The following TMEM39A variants were observed in gnomAD, a reference collection of about 807,000 sequenced individuals.
TMEM39A encodes the protein transmembrane protein 39A.
TMEM39A carries 19 observed loss-of-function variants against 51.9 expected under a neutral mutation model. The ratio of observed to expected loss-of-function variants is 0.37; its 90% CI spans 0.26 to 0.54. The LOEUF is 0.54. TMEM39A is among the 20% of genes least tolerant of loss of function. The pLI is 0.88. For synonymous variants in TMEM39A, 197 were observed against 220.2 expected (o/e 0.89, Z 0.93); for missense variants, 433 against 590.5 (o/e 0.73, Z 2.76).
Position 119,450,826 on chromosome 3 carries a change from CA to C in TMEM39A, c.420+1620del, listed in dbSNP as rs60326718. On this transcript the variant is annotated intron_variant, in intron 4 of 8. Coordinates refer to ENST00000319172, the MANE Select transcript of TMEM39A (RefSeq NM_018266.3). ...TAGGCGACAGAGCCAGACTCCATCTCAAAAAAAAAAAAAAAAAAAAAAAAAG... is the reference window on the plus strand; with the variant it reads ...TAGGCGACAGAGCCAGACTCCATCTCAAAAAAAAAAAAAAAAAAAAAAAAG... Among the ~76,000 whole-genome samples the C allele has an allele frequency of 4.5e-4, 25 of 55,896 alleles. No homozygotes were observed. The South Asian group carries it at 8.5e-3, about 19-fold the overall frequency. The allele number at this position is 55,896 out of a possible 152,430, so 36.7% of individuals were successfully genotyped here.
intron 7 of TMEM39A, chr3:119,435,892 G>A: frequency 7.8e-7 from 1 of 1,289,590 alleles, no homozygotes; most frequent in South Asian, 1.2e-5. Context: ...TTTTCAGCCT[G>A]GCCCAATCTC....
chr3:119,434,612 G>T, intron 8 of TMEM39A, 150 bp downstream of exon 8: 3 of 1,183,386 alleles, frequency 2.5e-6, no homozygotes, highest in Non-Finnish European at 3.5e-6. Flanking sequence ...CATTTCCAAA[G>T]TACAGGGACC....
intron 2 of TMEM39A, 35 bp from the exon 3 acceptor site, chr3:119,458,275 A>AGT: frequency 1.3e-6 from 2 of 1,570,944 alleles, no homozygotes; most frequent in Non-Finnish European, 1.8e-6. Flanking sequence ...TCAAATGGTG[A>AGT]TAACCTCCAG....
At chr3:119,463,236 A>C (rs2081363389) in intron 1 of TMEM39A, 100 bp downstream of exon 1, 1 of 210,952 alleles carries the variant, frequency 4.7e-6, no homozygotes, top group Non-Finnish European at 9.3e-6. Context: ...CCCTAAGAGA[A>C]GTCGGCAGAA....
chr3:119,440,427 TA>T (rs1460428888), intron 5 of TMEM39A, among the ~76,000 whole-genome samples: 1 of 152,058 alleles, frequency 6.6e-6, no homozygotes, highest in East Asian at 1.9e-4. Flanking sequence ...CTAGCTACAA[TA>T]AAAATGAAAT....
Position 119,452,441 on chromosome 3 carries a change from T to A in TMEM39A, c.420+6A>T. Reference sequence around the variant, plus strand: ...ATGTGATAGAATATAGTCAATGAACTGTTACCTCTGAGATGAGAGCCCATA... The same window carrying A: ...ATGTGATAGAATATAGTCAATGAACAGTTACCTCTGAGATGAGAGCCCATA... On this transcript the variant is annotated splice_donor_region_variant and intron_variant, in intron 4 of 8. Coordinates refer to ENST00000319172, the MANE Select transcript of TMEM39A (RefSeq NM_018266.3). The A allele has an allele frequency of 1.9e-6, 3 of 1,611,362 alleles. No individual in the cohort carries two copies. Among genetic ancestry groups the A allele is most frequent in the Non-Finnish European group, 2.5e-6 (3 of 1,177,762 alleles).
chr3:119,455,057 T>A (rs572397760), intron 3 of TMEM39A, among the ~76,000 whole-genome samples: 2 of 152,200 alleles, frequency 1.3e-5, no homozygotes, highest in Non-Finnish European at 2.9e-5. Context: ...CTTTTTGATA[T>A]TAAGGTCTTG....
chr3:119,447,564 G>C (rs1217654664), intron 4 of TMEM39A, among the ~76,000 whole-genome samples: 1 of 152,064 alleles, frequency 6.6e-6, no homozygotes, highest in African/African-American at 2.4e-5. Context: ...ATAAAATCTT[G>C]AGTCAAGCAA....
chr3:119,449,534 G>A (rs1434359777), intron 4 of TMEM39A, among the ~76,000 whole-genome samples: 3 of 151,908 alleles, frequency 2.0e-5, no homozygotes, highest in Non-Finnish European at 2.9e-5. Context: ...GCCGAGGCAG[G>A]AGAATCGCTT....
At chr3:119,450,376 T>A (rs1211466328) in intron 4 of TMEM39A, among the ~76,000 whole-genome samples, 1 of 152,240 alleles carries the variant, frequency 6.6e-6, no homozygotes, top group Non-Finnish European at 1.5e-5. Context: ...CATAAACACA[T>A]TTTCATGTTG....
At position 119,439,579 on chromosome 3, in the gene TMEM39A, CAA is replaced by C. The variant is rs201923985; in HGVS notation, c.576-1478_576-1477del. Among the ~76,000 whole-genome samples, 992 of 100,256 alleles carry C rather than the reference CAA, an allele frequency of 9.9e-3. 11 individuals carry two copies. Among genetic ancestry groups the C allele is most frequent in the South Asian group, 0.087 (285 of 3,276 alleles). The allele number at this position is 100,256 out of a possible 152,430, so 65.8% of individuals were successfully genotyped here. On this transcript the variant is annotated intron_variant, in intron 5 of 8. Coordinates refer to ENST00000319172, the MANE Select transcript of TMEM39A (RefSeq NM_018266.3). ...GGGCAACAAGAGTGAAACTCCTTCT[CAA>C]AAAAAAAAAAAAAAAAGATATTTAG...
rs151225312 is a variant in TMEM39A, at chr3:119,439,306, G to C, written c.576-1203C>G. Among the ~76,000 whole-genome samples the C allele has an allele frequency of 8.0e-3, 1,217 of 152,174 alleles. 22 individuals are homozygous for C. Among genetic ancestry groups the C allele is most frequent in the South Asian group, 0.071 (342 of 4,816 alleles). On this transcript the variant is annotated intron_variant, in intron 5 of 8. Coordinates refer to ENST00000319172, the MANE Select transcript of TMEM39A (RefSeq NM_018266.3). Reference sequence around the variant, plus strand: ...AAATAAAAAGATATTTAGGGCCAGGGACAGTCCCTCATGCCTATAATCCCA... The same window carrying C: ...AAATAAAAAGATATTTAGGGCCAGGCACAGTCCCTCATGCCTATAATCCCA...
intron 3 of TMEM39A, among the ~76,000 whole-genome samples, chr3:119,457,260 G>A (rs142727810): frequency 2.8e-4 from 42 of 152,286 alleles, no homozygotes; most frequent in African/African-American, 9.6e-4. Context: ...GTGAGCCACC[G>A]CGCCCGGCCT....
At chr3:119,446,979 A>C in intron 5 of TMEM39A, 39 bp downstream of exon 5, 1 of 1,580,968 alleles carries the variant, frequency 6.3e-7, no homozygotes, top group Non-Finnish European at 8.6e-7. Flanking sequence ...AATAATTTCT[A>C]AAGATTTACT....
chr3:119,452,647 C>G, intron 3 of TMEM39A, 117 bp from the exon 4 acceptor site: 1 of 708,720 alleles, frequency 1.4e-6, no homozygotes, highest in South Asian at 1.8e-5. Context: ...CACACCCTTA[C>G]AGATTATGGG....
At chr3:119,444,859 CA>C (rs2081101996) in intron 5 of TMEM39A, among the ~76,000 whole-genome samples, 1 of 151,948 alleles carries the variant, frequency 6.6e-6, no homozygotes, top group Non-Finnish European at 1.5e-5. Flanking sequence ...ACTCTGGAAT[CA>C]AAAAAACCTT....
intron 5 of TMEM39A, among the ~76,000 whole-genome samples, chr3:119,439,447 G>A (rs1471792984): frequency 2.6e-5 from 4 of 151,884 alleles, no homozygotes; most frequent in African/African-American, 9.7e-5. Context: ...TGGGTGTGGT[G>A]GCGCGCACCT....
intron 8 of TMEM39A, among the ~76,000 whole-genome samples, chr3:119,432,745 T>C (rs1318920480): frequency 2.0e-5 from 3 of 152,144 alleles, no homozygotes; most frequent in Non-Finnish European, 2.9e-5. Flanking sequence ...CAAATATGAA[T>C]ACAATAGTTT....
At position 119,444,413 on chromosome 3, in the gene TMEM39A, C is replaced by T. The variant is rs143324105; in HGVS notation, c.575+2605G>A. 2.9e-3 allele frequency among the ~76,000 whole-genome samples: 435 copies of T among 152,130 alleles called. 1 individual carries two copies. Among genetic ancestry groups the T allele is most frequent in the African/African-American group, 9.9e-3 (413 of 41,508 alleles). ...TGAAATCAGAGTCATGAAAAATGTT[C>T]GTAACAGATAATTCATTTTGTAGAA... On this transcript the variant is annotated intron_variant, in intron 5 of 8. Coordinates refer to ENST00000319172, the MANE Select transcript of TMEM39A (RefSeq NM_018266.3).
Sources: gnomAD v4.1 joint callset for allele counts (sites outside exome capture counted in the v4.1 genomes callset) on GRCh38, gnomAD v4.1.1 for gene constraint, MANE v1.5 for transcripts, NCBI Gene and HGNC (gene_info 2026-07-23, HGNC 2026-07-21) for gene names.